The following RBFOX1 variants were observed in gnomAD, a reference collection of about 807,000 sequenced individuals.
RBFOX1 encodes the protein RNA binding protein fox-1 homolog 1.
A neutral mutation model predicts 57.7 loss-of-function variants in RBFOX1; 8 were observed. That is an observed-to-expected ratio of 0.14 (90% CI 0.08 to 0.25). The LOEUF (loss-of-function observed/expected upper bound fraction) is 0.25, where lower values mean the gene tolerates loss of function less well. Among genes scored for constraint, RBFOX1 ranks in the 10% least tolerant of loss-of-function variants. RBFOX1 has a pLI of 1.00. For missense variants in RBFOX1, 611 were observed against 548.5 expected, an observed-to-expected ratio of 1.11 and a Z score of -1.14; for synonymous variants, 326 against 222.4, an observed-to-expected ratio of 1.47 and a Z score of -4.15.
chr16:6,377,236 T>C (rs113191584), intron 2 of RBFOX1, among the ~76,000 whole-genome samples: 9 of 144,154 alleles, frequency 6.2e-5, no homozygotes, highest in African/African-American at 2.4e-4. Context: ...GTCATGCAAC[T>C]GCACTCCATC....
At chr16:7,180,151 C>T (rs567979965) in intron 4 of RBFOX1, among the ~76,000 whole-genome samples, 4 of 152,014 alleles carry the variant, frequency 2.6e-5, no homozygotes, top group African/African-American at 7.2e-5. Flanking sequence ...CATTTTCTGC[C>T]TTGCAGAACT....
At chr16:5,975,146 C>A (rs2060036242) in intron 4 of RBFOX1, among the ~76,000 whole-genome samples, 1 of 152,154 alleles carries the variant, frequency 6.6e-6, no homozygotes, top group African/African-American at 2.4e-5. Flanking sequence ...CTTAATAAAT[C>A]ATGGCACATA....
At chr16:7,672,495 G>T (rs1033094470) in intron 13 of RBFOX1, among the ~76,000 whole-genome samples, 3 of 152,140 alleles carry the variant, frequency 2.0e-5, no homozygotes, top group Non-Finnish European at 4.4e-5. Context: ...AGAGCAATAT[G>T]GTTAAAATTC....
chr16:5,880,911 C>G (rs1197874706), intron 4 of RBFOX1, among the ~76,000 whole-genome samples: 1 of 151,996 alleles, frequency 6.6e-6, no homozygotes, highest in Admixed American at 6.6e-5. Flanking sequence ...TAGTAATTAC[C>G]ATAATTTGGA....
chr16:5,698,577 C>G (rs2050920447), intron 3 of RBFOX1, among the ~76,000 whole-genome samples: 1 of 150,258 alleles, frequency 6.7e-6, no homozygotes, highest in Non-Finnish European at 1.5e-5. Context: ...ACTGTATGAC[C>G]CAGCACTTCC....
intron 4 of RBFOX1, among the ~76,000 whole-genome samples, chr16:7,453,688 A>C (rs1265257534): frequency 6.6e-6 from 1 of 152,142 alleles, no homozygotes; most frequent in African/African-American, 2.4e-5. Flanking sequence ...CAAGGTACTG[A>C]GGGTGCCTGA....
chr16:7,095,387 C>T (rs149023838), intron 4 of RBFOX1, among the ~76,000 whole-genome samples: 3 of 152,278 alleles, frequency 2.0e-5, no homozygotes, highest in African/African-American at 7.2e-5. Flanking sequence ...ATCGACCTGC[C>T]TCAGCCTCCC....
chr16:6,588,489 C>T (rs750182215), intron 2 of RBFOX1, among the ~76,000 whole-genome samples: 2 of 151,858 alleles, frequency 1.3e-5, no homozygotes, highest in South Asian at 2.1e-4. Flanking sequence ...CTCGCATACA[C>T]CAAACATACA....
intron 3 of RBFOX1, among the ~76,000 whole-genome samples, chr16:5,859,345 G>A (rs1286017111): frequency 6.6e-6 from 1 of 152,188 alleles, no homozygotes; most frequent in East Asian, 1.9e-4. Context: ...CAAAACCACA[G>A]CTATCCATTC....
intron 3 of RBFOX1, among the ~76,000 whole-genome samples, chr16:6,937,931 G>C (rs925215684): frequency 7.7e-6 from 1 of 129,664 alleles, no homozygotes; most frequent in African/African-American, 2.9e-5. Flanking sequence ...CAGTTTTTCA[G>C]CTCAACTTTG....
intron 1 of RBFOX1, among the ~76,000 whole-genome samples, chr16:6,046,411 A>G (rs2095495870): frequency 6.6e-6 from 1 of 152,204 alleles, no homozygotes; most frequent in Non-Finnish European, 1.5e-5. Context: ...ACAAGACCCC[A>G]GGGCTCCATT....
At chr16:5,785,923 G>A (rs1052231181) in intron 3 of RBFOX1, among the ~76,000 whole-genome samples, 36 of 152,180 alleles carry the variant, frequency 2.4e-4, no homozygotes, top group African/African-American at 8.7e-4. Flanking sequence ...CTTGCTTGTG[G>A]ATTACTGAAA....
At position 6,160,151 on chromosome 16, in the gene RBFOX1, G is replaced by A. The variant is rs577647999; in HGVS notation, c.-127+140159G>A. Among the ~76,000 whole-genome samples the A allele has an allele frequency of 5.9e-5, 9 of 152,262 alleles. No homozygotes were observed. The South Asian group carries it at 1.9e-3, about 32-fold the overall frequency. On this transcript the variant is annotated intron_variant, in intron 1 of 15. Coordinates refer to ENST00000550418, the MANE Select transcript of RBFOX1 (RefSeq NM_018723.4). ...GTTTATAAGGTAATGTGTACCTGCA[G>A]GAATATTTTTTCCTAACCTTAATTA...
chr16:7,272,240 A>C (rs1389331671), intron 4 of RBFOX1, among the ~76,000 whole-genome samples: 1 of 152,092 alleles, frequency 6.6e-6, no homozygotes, highest in Non-Finnish European at 1.5e-5. Flanking sequence ...GCTGGAGTGC[A>C]TTGGTATCAC....
chr16:5,487,945 T>G (rs1472439813), intron 2 of RBFOX1, among the ~76,000 whole-genome samples: 1 of 151,860 alleles, frequency 6.6e-6, no homozygotes, highest in Non-Finnish European at 1.5e-5. Flanking sequence ...ATTATGGTAG[T>G]GGTGGTGGGG....
chr16:6,433,081 A>G (rs2094141970), intron 2 of RBFOX1, among the ~76,000 whole-genome samples: 2 of 152,206 alleles, frequency 1.3e-5, no homozygotes, highest in Non-Finnish European at 2.9e-5. Context: ...AACAGAGAGA[A>G]AGTCAGGGGA....
At chr16:7,405,601 T>G (rs1011117125) in intron 4 of RBFOX1, among the ~76,000 whole-genome samples, 1 of 152,182 alleles carries the variant, frequency 6.6e-6, no homozygotes, top group Non-Finnish European at 1.5e-5. Context: ...ATTTTTGATG[T>G]GCCTTTGGAT....
chr16:5,867,681 G>A (rs2057375873), intron 4 of RBFOX1, among the ~76,000 whole-genome samples: 1 of 151,912 alleles, frequency 6.6e-6, no homozygotes, highest in Non-Finnish European at 1.5e-5. Flanking sequence ...CTTCTCTTTT[G>A]GCTTTTCTTT....
chr16:5,580,699 C>A (rs1039125552), intron 2 of RBFOX1, among the ~76,000 whole-genome samples: 20 of 152,194 alleles, frequency 1.3e-4, no homozygotes, highest in Admixed American at 1.3e-3. Flanking sequence ...GCATCTCACA[C>A]TGCCCTGCGT....
Sources: allele counts gnomAD v4.1 joint callset (sites outside exome capture counted in the v4.1 genomes callset), GRCh38; gene constraint gnomAD v4.1.1; transcripts MANE v1.5; gene names NCBI Gene and HGNC (gene_info 2026-07-23, HGNC 2026-07-21).